TLE1: variants seen among roughly 807,000 people sequenced by gnomAD.
The protein encoded by TLE1 is TLE family member 1, transcriptional corepressor.
TLE1 carries 21 observed loss-of-function variants against 89.8 expected under a neutral mutation model. The observed-to-expected ratio is 0.23, with a 90% confidence interval of 0.17 to 0.34. The LOEUF is 0.34. Ranked by LOEUF, TLE1 falls within the 10% of genes least tolerant of loss-of-function variation. The probability of loss-of-function intolerance (pLI) is 1.00; values close to 1 mark genes in which losing one functional copy is unlikely to be tolerated. For missense variants in TLE1, 795 were observed against 1,031.2 expected (o/e 0.77, Z 3.14); for synonymous variants, 447 against 407.6 (o/e 1.10, Z -1.16).
intron 6 of TLE1, among the ~76,000 whole-genome samples, chr9:81,644,046 G>A (rs963110219): frequency 1.3e-5 from 2 of 152,222 alleles, no homozygotes; most frequent in Non-Finnish European, 2.9e-5. Context: ...AACGGGAGAT[G>A]CGGCCTCACA....
Position 81,631,579 on chromosome 9 carries a change from C to T in TLE1, c.594+1769G>A, listed in dbSNP as rs547425266. ...GCTTACATACCTCGAATTGCAGATG[C>T]GTGTCCCATAATGCCTTACATATAT... On this transcript the variant is annotated intron_variant, in intron 8 of 19. Coordinates refer to ENST00000376499, the MANE Select transcript of TLE1 (RefSeq NM_005077.5). 1.1e-4 allele frequency among the ~76,000 whole-genome samples: 16 copies of T among 152,312 alleles called. No individual in the cohort carries two copies. In the East Asian group the frequency reaches 1.2e-3, roughly 11 times the overall value.
intron 6 of TLE1, among the ~76,000 whole-genome samples, chr9:81,649,336 T>G (rs1276799207): frequency 6.6e-6 from 1 of 152,096 alleles, no homozygotes; most frequent in Non-Finnish European, 1.5e-5. Flanking sequence ...ATACAACCTC[T>G]CTCTGTCTCC....
chr9:81,625,853 A>C (rs1825826623), intron 8 of TLE1, among the ~76,000 whole-genome samples: 1 of 145,902 alleles, frequency 6.9e-6, no homozygotes, highest in African/African-American at 2.5e-5. Flanking sequence ...TTAGCAATTT[A>C]ACAGTAATGG....
chr9:81,604,553 T>C (rs1185484815), intron 14 of TLE1, among the ~76,000 whole-genome samples: 1 of 152,182 alleles, frequency 6.6e-6, no homozygotes, highest in Non-Finnish European at 1.5e-5. Flanking sequence ...GCTCAAGGGC[T>C]AGAAGAGTTT....
intron 4 of TLE1, among the ~76,000 whole-genome samples, chr9:81,670,738 A>AG (rs1832112712): frequency 6.6e-6 from 1 of 151,800 alleles, no homozygotes; most frequent in Non-Finnish European, 1.5e-5. Context: ...AAAAAAAAAA[A>AG]ATCACAGCTT....
chr9:81,625,580 A>C, intron 8 of TLE1, among the ~76,000 whole-genome samples: 1 of 107,632 alleles, frequency 9.3e-6, no homozygotes. Flanking sequence ...ACATTCCAAC[A>C]CAATTATGAA....
intron 6 of TLE1, among the ~76,000 whole-genome samples, chr9:81,636,527 A>G (rs1281952270): frequency 1.3e-5 from 2 of 152,152 alleles, no homozygotes; most frequent in East Asian, 3.9e-4. Context: ...TTAAAAGAAG[A>G]TGAGAGAGGC....
chr9:81,687,365 C>A lies in TLE1; in HGVS notation c.94G>T (p.Glu32Ter). 1 of 1,609,306 alleles carries A rather than the reference C, an allele frequency of 6.2e-7. No homozygotes were observed. The part of the protein sequence containing the change: ...IPESLDRIKE[E>*]FQFLQAQYHS... Reference sequence around the variant, plus strand: ...TACTGCGCCTGCAGGAACTGGAATTCCTCTTTAATCCGGTCCAGGGACTCC... The same window carrying A: ...TACTGCGCCTGCAGGAACTGGAATTACTCTTTAATCCGGTCCAGGGACTCC... Residue 32 changes from glutamate (E) to a stop codon, truncating the protein, a stop_gained, in exon 2 of 20, where the codon GAA becomes TAA. Transcript: ENST00000376499. LOFTEE classifies it high-confidence loss of function.
At chr9:81,610,148 A>T (rs1228282810) in intron 14 of TLE1, 72 bp downstream of exon 14, 1 of 1,356,094 alleles carries the variant, frequency 7.4e-7, no homozygotes, top group Non-Finnish European at 1.0e-6. Flanking sequence ...CTCCCTTTGG[A>T]ATTCTAGTCT....
rs1563965573 is a variant in TLE1 at position 81,611,529 on chromosome 9, C to T, written c.1254+240G>A. On this transcript the variant is annotated intron_variant, in intron 13 of 19. Transcript: ENST00000376499. Reference sequence around the variant, plus strand: ...AGCTTCTAAACACTGCCTTTTTCATCCACAAAAACACTAAAACAAAAAACG... The same window carrying T: ...AGCTTCTAAACACTGCCTTTTTCATTCACAAAAACACTAAAACAAAAAACG... 3.3e-5 allele frequency among the ~76,000 whole-genome samples: 5 copies of T among 152,226 alleles called. No homozygotes were observed. In the South Asian group the frequency reaches 1.0e-3, roughly 32 times the overall value.
intron 4 of TLE1, among the ~76,000 whole-genome samples, 177 bp from the exon 5 acceptor site, chr9:81,654,213 C>G (rs1339784884): frequency 6.6e-6 from 1 of 152,122 alleles, no homozygotes; most frequent in Non-Finnish European, 1.5e-5. Context: ...GATATTAATC[C>G]CACTTGCAAA....
chr9:81,687,294 G>T, intron 2 of TLE1, 40 bp downstream of exon 2: 1 of 1,556,900 alleles, frequency 6.4e-7, no homozygotes, highest in South Asian at 1.2e-5. Context: ...GGGGCACCGG[G>T]ACGCCCGCGA....
intron 4 of TLE1, among the ~76,000 whole-genome samples, chr9:81,674,847 G>T (rs1167969825): frequency 6.6e-6 from 1 of 152,142 alleles, no homozygotes; most frequent in African/African-American, 2.4e-5. Flanking sequence ...AACAGGTGAA[G>T]ACAGAATTCT....
At chr9:81,607,691 T>C (rs1156542515) in intron 14 of TLE1, among the ~76,000 whole-genome samples, 7 of 152,082 alleles carry the variant, frequency 4.6e-5, no homozygotes, top group African/African-American at 7.2e-5. Context: ...CAACCACAGA[T>C]AGGAAATGCT....
chr9:81,644,142 G>A (rs961054971), intron 6 of TLE1, among the ~76,000 whole-genome samples: 1 of 152,146 alleles, frequency 6.6e-6, no homozygotes, highest in African/African-American at 2.4e-5. Context: ...CGCTATTGTG[G>A]GAATGTAAAA....
At chr9:81,622,047 A>T (rs1158049926) in intron 8 of TLE1, among the ~76,000 whole-genome samples, 1 of 152,172 alleles carries the variant, frequency 6.6e-6, no homozygotes, top group South Asian at 2.1e-4. Context: ...ACCTAGATAC[A>T]TGTCCGCTAA....
intron 4 of TLE1, among the ~76,000 whole-genome samples, chr9:81,658,301 G>A (rs928486351): frequency 3.3e-5 from 5 of 152,126 alleles, no homozygotes; most frequent in East Asian, 3.9e-4. Flanking sequence ...ACAAAGGGCC[G>A]ACTGTACTAT....
chr9:81,685,993 T>G (rs1834220758), intron 2 of TLE1, 97 bp from the exon 3 acceptor site: 1 of 1,348,184 alleles, frequency 7.4e-7, no homozygotes, highest in Non-Finnish European at 1.0e-6. Flanking sequence ...CACAGACCAA[T>G]TTGGAAAAGC....
rs571328974 is a variant in TLE1 at position 81,665,526 on chromosome 9, A to G, written c.235-11490T>C. The stretch of plus-strand genomic sequence containing the variant: ...GGGGTTAAAAGAAAGGAAGGAAAAA[A>G]AAAACCGTGCTGAAGGCTGCTTGGG... On this transcript the variant is annotated intron_variant, in intron 4 of 19. Transcript: ENST00000376499. Among the ~76,000 whole-genome samples, 4 of 152,234 alleles carry G rather than the reference A, an allele frequency of 2.6e-5. No individual in the cohort carries two copies. In the South Asian group the frequency reaches 8.3e-4, roughly 32 times the overall value.
Sources: allele counts gnomAD v4.1 joint callset (sites outside exome capture counted in the v4.1 genomes callset), GRCh38; gene constraint gnomAD v4.1.1; transcripts MANE v1.5; gene names NCBI Gene and HGNC (gene_info 2026-07-23, HGNC 2026-07-21).